SF3B1: variants seen among roughly 807,000 people sequenced by gnomAD.
The protein encoded by SF3B1 is pre-mRNA processing 10.
A neutral mutation model predicts 153.8 loss-of-function variants in SF3B1; 12 were observed. The ratio of observed to expected loss-of-function variants is 0.08; its 90% CI spans 0.05 to 0.13. The LOEUF is 0.13. SF3B1 is among the 10% of genes least tolerant of loss of function. The probability of loss-of-function intolerance (pLI) is 1.00; values close to 1 mark genes in which losing one functional copy is unlikely to be tolerated. For synonymous variants in SF3B1, 498 were observed against 525.2 expected (o/e 0.95, Z 0.71); for missense variants, 513 against 1,606.1 (o/e 0.32, Z 11.63).
chr2:197,398,342 G>C (rs533875933), intron 21 of SF3B1, 119 bp downstream of exon 21: 1 of 1,128,168 alleles, frequency 8.9e-7, no homozygotes, highest in South Asian at 1.3e-5. Context: ...ATTAATACTG[G>C]ATAGCCTAAT....
intron 11 of SF3B1, among the ~76,000 whole-genome samples, chr2:197,404,478 G>C (rs2084967821): frequency 6.6e-6 from 1 of 152,106 alleles, no homozygotes; most frequent in South Asian, 2.1e-4. Context: ...TACTTGGAAG[G>C]CTGAGGCACA....
chr2:197,403,508 A>G (rs541517908), intron 12 of SF3B1, 77 bp downstream of exon 12: 2 of 917,736 alleles, frequency 2.2e-6, no homozygotes, highest in African/African-American at 3.5e-5. Flanking sequence ...GGTCTAGGAG[A>G]ATATGTAAAT....
At chr2:197,393,229 A>C (rs72912891) in intron 23 of SF3B1, 41 bp from the exon 24 acceptor site, 4 of 1,332,468 alleles carry the variant, frequency 3.0e-6, no homozygotes, top group Non-Finnish European at 4.3e-6. Flanking sequence ...ATGCGGTCTT[A>C]TAAGAAAGGG....
intron 6 of SF3B1, among the ~76,000 whole-genome samples, chr2:197,413,843 TGTCGCAAGACTGAA>T (rs2085107674): frequency 6.6e-6 from 1 of 151,982 alleles, no homozygotes; most frequent in Non-Finnish European, 1.5e-5. Flanking sequence ...AGTCTCGCTG[TGTCGCAAGACTGAA>T]GTGCAGTGGC....
At position 197,408,506 on chromosome 2, in the gene SF3B1, G is replaced by A. The variant is rs2085023044; in HGVS notation, c.980C>T (p.Pro327Leu). 6 of 1,613,344 alleles carry A rather than the reference G, an allele frequency of 3.7e-6. No individual in the cohort carries two copies. The highest frequency in any genetic ancestry group is 2.2e-5 in the South Asian group (2 of 91,026). The part of the protein sequence containing the change: ...DRGGDSIGET[P>L]TPGASKRKSR... ...TTTTCTTTTACTGGCTCCAGGAGTC[G>A]GTGTTTCACCAATAGAATCTCCACC... The change falls in exon 8 of 25, where the codon CCG (proline) becomes CTG (leucine). Residue 327 changes from proline (P) to leucine (L), a missense_variant. By Grantham distance (98) the Pro-to-Leu change is moderately conservative. This residue lies in a region of SF3B1 where 91 missense variants were observed against 157.4 expected (regional missense o/e 0.58). Transcript: ENST00000335508.
intron 1 of SF3B1, among the ~76,000 whole-genome samples, chr2:197,429,765 C>G (rs552185380): frequency 4.0e-5 from 6 of 148,668 alleles, no homozygotes; most frequent in South Asian, 2.1e-4. Flanking sequence ...GCCTGGACAA[C>G]AGAGCAAGAC....
chr2:197,429,791 A>C (rs1179906011), intron 1 of SF3B1, among the ~76,000 whole-genome samples: 1 of 152,128 alleles, frequency 6.6e-6, no homozygotes, highest in Non-Finnish European at 1.5e-5. Context: ...CTCAAAAAAA[A>C]AAAAAAAAAT....
At chr2:197,414,053 C>A (rs901042613) in intron 6 of SF3B1, among the ~76,000 whole-genome samples, 3 of 152,118 alleles carry the variant, frequency 2.0e-5, no homozygotes, top group African/African-American at 7.2e-5. Flanking sequence ...AATGATCCAC[C>A]CACCTTGGCC....
Position 197,410,091 on chromosome 2 carries a change from A to C in SF3B1, c.667-84T>G, listed in dbSNP as rs2085045749. ...CCATAAAATAAAAAACTTTAAACGAAAAATGTTTTAGTTCTATGCACTATA... is the reference window on the plus strand; with the variant it reads ...CCATAAAATAAAAAACTTTAAACGACAAATGTTTTAGTTCTATGCACTATA... On this transcript the variant is annotated intron_variant, in intron 6 of 24. Transcript: ENST00000335508. The C allele has an allele frequency of 3.2e-6, 3 of 952,232 alleles. No individual in the cohort carries two copies. The African/African-American group carries it at 5.0e-5, about 16-fold the overall frequency. The allele number at this position is 952,232 out of a possible 1,614,324, so 59.0% of individuals were successfully genotyped here.
chr2:197,399,978 A>C, intron 20 of SF3B1, 77 bp downstream of exon 20: 1 of 1,033,736 alleles, frequency 9.7e-7, no homozygotes, highest in Non-Finnish European at 1.5e-6. Context: ...CTCCTAAATA[A>C]GATTTTACTT....
rs1000083472 is a variant in SF3B1, at chr2:197,389,861, A to G, written c.*2442T>C. The G allele has an allele frequency of 2.0e-5, 3 of 152,220 alleles. No homozygotes were observed. Among genetic ancestry groups the G allele is most frequent in the African/African-American group, 4.8e-5 (2 of 41,448 alleles). 9.4% of individuals were successfully genotyped at this position (152,220 alleles called of 1,614,324 possible). On this transcript the variant is annotated 3_prime_UTR_variant, in exon 25 of 25. Transcript: ENST00000335508. ...CTGTACAACAAATTTTAAAAATACA[A>G]TATGAAAAAAATCAAACAGCCAGAG...
chr2:197,404,937 G>C, intron 11 of SF3B1, 139 bp downstream of exon 11: 1 of 594,232 alleles, frequency 1.7e-6, no homozygotes. Context: ...CCAGCACTTT[G>C]GGAGGTAGGC....
intron 9 of SF3B1, 61 bp downstream of exon 9, chr2:197,407,937 T>C (rs2085016397): frequency 1.3e-6 from 2 of 1,494,572 alleles, no homozygotes; most frequent in South Asian, 2.4e-5. Context: ...AATCAATTTT[T>C]TTCACTATTT....
chr2:197,421,018 T>C lies in SF3B1; in HGVS notation c.300+11A>G. ...AGCTGAATAAACTATGCTTTTAAAATGAAAGATCACCTGTTCTGTTGACTG... is the reference window on the plus strand; with the variant it reads ...AGCTGAATAAACTATGCTTTTAAAACGAAAGATCACCTGTTCTGTTGACTG... On this transcript the variant is annotated intron_variant, in intron 3 of 24. Coordinates refer to ENST00000335508, the MANE Select transcript of SF3B1 (RefSeq NM_012433.4). The C allele has an allele frequency of 6.5e-7, 1 of 1,531,990 alleles. No homozygotes were observed. The highest frequency in any genetic ancestry group is 2.3e-5 in the East Asian group (1 of 43,722). 94.9% of individuals were successfully genotyped at this position (1,531,990 alleles called of 1,614,324 possible).
intron 1 of SF3B1, among the ~76,000 whole-genome samples, chr2:197,426,072 G>A (rs1002981665): frequency 1.2e-4 from 18 of 151,518 alleles, no homozygotes; most frequent in South Asian, 6.3e-4. Flanking sequence ...AGTTGTGATC[G>A]GATCTCAAAA....
chr2:197,426,394 C>G (rs1048353645), intron 1 of SF3B1, among the ~76,000 whole-genome samples: 5 of 152,068 alleles, frequency 3.3e-5, no homozygotes, highest in African/African-American at 1.2e-4. Context: ...CTCCCAGGTT[C>G]AAGCCATTCT....
rs771988682 is a variant in SF3B1 at position 197,392,336 on chromosome 2, G to A, written c.3882C>T (p.Thr1294=). 1.2e-4 allele frequency: 155 copies of A among 1,341,342 alleles called. No individual in the cohort carries two copies. The highest frequency in any genetic ancestry group is 1.6e-4 in the Non-Finnish European group (148 of 932,160). 83.1% of individuals were successfully genotyped at this position (1,341,342 alleles called of 1,614,324 possible). The change falls in exon 25 of 25, where the codon ACC becomes ACT. Residue 1294 remains threonine, a synonymous_variant. Transcript: ENST00000335508. ...TATAGTCAAGTTCATAACGAATATA[G>A]GTGTTCTTATCATCGTTGTAGATTC... ...YPRIYNDDKN[T]YIRYELDYIL
chr2:197,418,049 A>C (rs1213578762), intron 5 of SF3B1, among the ~76,000 whole-genome samples: 1 of 151,786 alleles, frequency 6.6e-6, no homozygotes, highest in Non-Finnish European at 1.5e-5. Flanking sequence ...CAGCCTGGCC[A>C]ACATGGTGAA....
intron 1 of SF3B1, among the ~76,000 whole-genome samples, chr2:197,429,030 TG>T (rs1183040682): frequency 1.3e-5 from 2 of 150,244 alleles, no homozygotes; most frequent in African/African-American, 4.9e-5. Context: ...CATACCAAAA[TG>T]AGTAACCAGA....
Sources: gnomAD v4.1 joint callset for allele counts (sites outside exome capture counted in the v4.1 genomes callset) on GRCh38, gnomAD v4.1.1 for gene constraint, gnomAD v4.1.1 regional missense constraint, MANE v1.5 for transcripts, NCBI Gene and HGNC (gene_info 2026-07-23, HGNC 2026-07-21) for gene names.